DENND4C: variants seen among roughly 807,000 people sequenced by gnomAD.
The protein encoded by DENND4C is DENN domain containing 4C, also known as DENN domain-containing protein 4C.
A neutral mutation model predicts 203.0 loss-of-function variants in DENND4C; 108 were observed. That is an observed-to-expected ratio of 0.53 (90% confidence interval 0.46 to 0.62). DENND4C has a LOEUF of 0.62. DENND4C is among the 20% of genes least tolerant of loss of function. DENND4C has a pLI of 0.00. For synonymous variants in DENND4C, 871 were observed against 792.4 expected, an observed-to-expected ratio of 1.10 and a Z score of -1.67; for missense variants, 2,481 against 2,301.2, an observed-to-expected ratio of 1.08 and a Z score of -1.60.
At chr9:19,368,819 A>C (rs1828209713) in intron 30 of DENND4C, among the ~76,000 whole-genome samples, 1 of 152,000 alleles carries the variant, frequency 6.6e-6, no homozygotes. Context: ...GAATTACATC[A>C]TGTTGTACAC....
intron 23 of DENND4C, among the ~76,000 whole-genome samples, chr9:19,348,581 G>C (rs1391886617): frequency 6.6e-6 from 1 of 152,044 alleles, no homozygotes; most frequent in Non-Finnish European, 1.5e-5. Context: ...GTCTAAATTG[G>C]AATTAGAGAC....
At position 19,231,928 on chromosome 9, in the gene DENND4C, T is replaced by C. The variant is rs183931471; in HGVS notation, c.-18+1095T>C. 4.7e-3 allele frequency among the ~76,000 whole-genome samples: 719 copies of C among 152,266 alleles called. 3 individuals carry two copies. The highest frequency in any genetic ancestry group is 6.8e-3 in the Non-Finnish European group (463 of 68,034). ...GTATAATGAGAGGGGAGAACGTTAG[T>C]GCTAAGGCGCTAAGTTCTGGATAAA... is the stretch of plus-strand genomic sequence containing the variant. On this transcript the variant is annotated intron_variant, in intron 1 of 32. Coordinates refer to ENST00000434457, the MANE Select transcript of DENND4C (RefSeq NM_001330640.2).
intron 9 of DENND4C, among the ~76,000 whole-genome samples, chr9:19,301,764 C>T (rs532099863): frequency 6.6e-6 from 1 of 152,242 alleles, no homozygotes; most frequent in Admixed American, 6.5e-5. Flanking sequence ...TGGTGAAACT[C>T]CATTTCTACT....
chr9:19,257,952 A>C (rs985847407), intron 1 of DENND4C, among the ~76,000 whole-genome samples: 1 of 152,080 alleles, frequency 6.6e-6, no homozygotes, highest in Non-Finnish European at 1.5e-5. Context: ...GTGAGACCTC[A>C]TCTCCAGAAA....
intron 7 of DENND4C, among the ~76,000 whole-genome samples, chr9:19,298,740 T>G (rs1251591784): frequency 1.3e-5 from 2 of 152,162 alleles, no homozygotes; most frequent in Admixed American, 1.3e-4. Flanking sequence ...CTGACATACT[T>G]AACATACTTT....
At chr9:19,312,408 T>A (rs1219396032) in intron 10 of DENND4C, among the ~76,000 whole-genome samples, 1 of 152,116 alleles carries the variant, frequency 6.6e-6, no homozygotes, top group East Asian at 1.9e-4. Context: ...CGGCTACAAA[T>A]TATTAAATGA....
At chr9:19,298,739 T>C (rs1837955669) in intron 7 of DENND4C, among the ~76,000 whole-genome samples, 1 of 152,168 alleles carries the variant, frequency 6.6e-6, no homozygotes, top group Non-Finnish European at 1.5e-5. Context: ...ACTGACATAC[T>C]TAACATACTT....
chr9:19,347,827 A>G (rs1266335505), intron 23 of DENND4C, among the ~76,000 whole-genome samples: 1 of 152,164 alleles, frequency 6.6e-6, no homozygotes, highest in Admixed American at 6.6e-5. Flanking sequence ...TACCTATGTA[A>G]TCTCCTTAAT....
chr9:19,278,106 G>A (rs140084690), intron 2 of DENND4C, among the ~76,000 whole-genome samples: 345 of 140,996 alleles, frequency 2.4e-3, no homozygotes, highest in African/African-American at 8.9e-3. Context: ...CTTGGTTGCT[G>A]GTTGTTCTCT....
At chr9:19,240,297 A>T in intron 1 of DENND4C, among the ~76,000 whole-genome samples, 1 of 152,168 alleles carries the variant, frequency 6.6e-6, no homozygotes, top group East Asian at 1.9e-4. Flanking sequence ...TACTGTACTG[A>T]TACTCTAGGC....
intron 1 of DENND4C, among the ~76,000 whole-genome samples, chr9:19,258,508 G>C (rs549350655): frequency 1.2e-4 from 18 of 152,156 alleles, no homozygotes; most frequent in Non-Finnish European, 2.5e-4. Flanking sequence ...ACCCAAGTGG[G>C]GTTTATGCCA....
At chr9:19,312,195 C>A (rs1840871726) in intron 10 of DENND4C, among the ~76,000 whole-genome samples, 2 of 152,170 alleles carry the variant, frequency 1.3e-5, no homozygotes, top group Admixed American at 1.3e-4. Context: ...TGTCCACCTT[C>A]CAGGCTCAAG....
rs762585074 is a variant in DENND4C, at chr9:19,342,583, T to C, written c.3005-50T>C. On this transcript the variant is annotated intron_variant, in intron 21 of 32. Coordinates refer to ENST00000434457, the MANE Select transcript of DENND4C (RefSeq NM_001330640.2). ...TCTAAAAGTCAATATATGGTTTCTGTTTAATATTGGCAAAAGTAGGAATGA... is the reference window on the plus strand; with the variant it reads ...TCTAAAAGTCAATATATGGTTTCTGCTTAATATTGGCAAAAGTAGGAATGA... 2.6e-6 allele frequency: 4 copies of C among 1,536,884 alleles called. No individual in the cohort carries two copies. The South Asian group carries it at 5.1e-5, about 20-fold the overall frequency.
intron 1 of DENND4C, among the ~76,000 whole-genome samples, chr9:19,235,959 G>T (rs934924443): frequency 2.6e-4 from 39 of 150,620 alleles, no homozygotes; most frequent in Non-Finnish European, 1.6e-4. Flanking sequence ...TTTAAAGGTT[G>T]TTCTCGAATT....
rs1397660697 is a variant in DENND4C at position 19,324,344 on chromosome 9, A to G, written c.1808-18A>G. 11 of 1,565,966 alleles carry G rather than the reference A, an allele frequency of 7.0e-6. No homozygotes were observed. The South Asian group carries it at 8.3e-5, about 12-fold the overall frequency. ...TCCAGTTTAAAATTTGAATTTAATTATATTTTGTTTTCCTCAGGATTTTTA... is the reference window on the plus strand; with the variant it reads ...TCCAGTTTAAAATTTGAATTTAATTGTATTTTGTTTTCCTCAGGATTTTTA... On this transcript the variant is annotated intron_variant, in intron 12 of 32. Transcript: ENST00000434457.
At chr9:19,319,035 G>C (rs1325109066) in intron 12 of DENND4C, among the ~76,000 whole-genome samples, 1 of 151,812 alleles carries the variant, frequency 6.6e-6, no homozygotes, top group Non-Finnish European at 1.5e-5. Flanking sequence ...CAGGCATGGT[G>C]GTGCATGCCT....
chr9:19,331,215 T>A (rs1433692614), intron 16 of DENND4C, among the ~76,000 whole-genome samples: 3 of 151,856 alleles, frequency 2.0e-5, no homozygotes, highest in African/African-American at 4.8e-5. Context: ...TCCTTTTTTT[T>A]TTTTTTGAGA....
chr9:19,326,020 CTT>C, intron 14 of DENND4C, 42 bp from the exon 15 acceptor site: 16 of 1,607,814 alleles, frequency 1.0e-5, no homozygotes, highest in Non-Finnish European at 1.4e-5. Flanking sequence ...AGAATTAGAT[CTT>C]GTTTGTATGC....
chr9:19,307,393 CAAA>C (rs753710246), intron 10 of DENND4C, among the ~76,000 whole-genome samples: 4 of 58,418 alleles, frequency 6.8e-5, no homozygotes, highest in Admixed American at 2.1e-4. Context: ...GACTCTGTCT[CAAA>C]AAAAAAAAAA....
Sources: allele counts gnomAD v4.1 joint callset (sites outside exome capture counted in the v4.1 genomes callset), GRCh38; gene constraint gnomAD v4.1.1; transcripts MANE v1.5; gene names NCBI Gene and HGNC (gene_info 2026-07-23, HGNC 2026-07-21).